The following RNPS1 variants were observed in gnomAD, a reference collection of about 807,000 sequenced individuals.
RNPS1 encodes the protein RNA-binding protein with serine-rich domain 1.
For missense variants in RNPS1, 300 were observed against 427.6 expected (o/e 0.70, Z 2.63); for synonymous variants, 147 against 150.0 (o/e 0.98, Z 0.15).
At chr16:2,256,808 G>A (rs1406074945) in intron 6 of RNPS1, 3 of 152,292 alleles carry the variant, frequency 2.0e-5, no homozygotes, top group Admixed American at 2.0e-4. Flanking sequence ...AGAGAAGTGG[G>A]AGAAGTTCTC....
intron 1 of RNPS1, 96 bp from the exon 2 acceptor site, chr16:2,264,856 G>C: frequency 9.8e-7 from 1 of 1,016,320 alleles, no homozygotes; most frequent in Non-Finnish European, 1.4e-6. Context: ...AAGGCAGCAA[G>C]GGAGCACGGT....
At position 2,268,068 on chromosome 16, in the gene RNPS1, C is replaced by T. The variant is rs1179432285; in HGVS notation, c.-131G>A. The T allele has an allele frequency of 1.4e-5, 21 of 1,535,146 alleles. No individual in the cohort carries two copies. Among genetic ancestry groups the T allele is most frequent in the Non-Finnish European group, 1.7e-5 (19 of 1,146,678 alleles). Reference sequence around the variant, plus strand: ...GCCCCAACTTACATCTTCCCGCCGCCGCCACCTCCTCCTGCTTTCCTCAGC... The same window carrying T: ...GCCCCAACTTACATCTTCCCGCCGCTGCCACCTCCTCCTGCTTTCCTCAGC... On this transcript the variant is annotated 5_prime_UTR_variant, in exon 1 of 8. Transcript: ENST00000320225.
intron 6 of RNPS1, among the ~76,000 whole-genome samples, chr16:2,260,915 G>A (rs1596807570): frequency 6.6e-6 from 1 of 152,180 alleles, no homozygotes; most frequent in African/African-American, 2.4e-5. Flanking sequence ...CGGATCACAA[G>A]GTCAGGAGAT....
At chr16:2,257,370 TA>T (rs1334872513) in intron 6 of RNPS1, 1 of 152,158 alleles carries the variant, frequency 6.6e-6, no homozygotes, top group Non-Finnish European at 1.5e-5. Context: ...TTAACTTCAG[TA>T]AACTCAGCCT....
rs2093609504 is a variant in RNPS1 at position 2,263,022 on chromosome 16, C to T, written c.419+74G>A. The T allele has an allele frequency of 1.7e-5, 25 of 1,486,580 alleles. No individual in the cohort carries two copies. The South Asian group carries it at 2.8e-4, about 17-fold the overall frequency. The allele number at this position is 1,486,580 out of a possible 1,614,324, so 92.1% of individuals were successfully genotyped here. On this transcript the variant is annotated intron_variant, in intron 4 of 7. Transcript: ENST00000320225. ...TAACACAGAAAGACTCCTTTTGGGT[C>T]CCTTTTATAACCTCGATGGTAAATC...
At chr16:2,267,605 G>A (rs1596818589) in intron 1 of RNPS1, 5 of 1,070,274 alleles carry the variant, frequency 4.7e-6, no homozygotes, top group Non-Finnish European at 4.5e-6. Flanking sequence ...GAAACTCCGC[G>A]CCCGCCGACA....
At chr16:2,254,899 G>A (rs1344896273) in intron 7 of RNPS1, among the ~76,000 whole-genome samples, 2 of 151,258 alleles carry the variant, frequency 1.3e-5, no homozygotes, top group African/African-American at 2.4e-5. Context: ...CCACCACCAC[G>A]CCCGGCTAAT....
intron 6 of RNPS1, among the ~76,000 whole-genome samples, chr16:2,259,691 C>T (rs936706515): frequency 1.3e-5 from 2 of 152,190 alleles, no homozygotes; most frequent in African/African-American, 4.8e-5. Context: ...AGATCCAGAC[C>T]ATCCTGGCTA....
Position 2,264,288 on chromosome 16 carries a change from A to T in RNPS1, c.115T>A (p.Ser39Thr). Residue 39 changes from serine to threonine, a missense_variant, in exon 3 of 8, where the codon TCC becomes ACC. Physicochemically the swap from Ser to Thr is moderately conservative, Grantham distance 58. Coordinates refer to ENST00000320225, the MANE Select transcript of RNPS1 (RefSeq NM_080594.4). ...TKRKDRSDEK[S>T]KDRSKDKGAT... Reference sequence around the variant, plus strand: ...CCTTTATCTTTTGAGCGATCCTTGGACTTCTCATCTGAGCGGTCTTTGCGT... The same window carrying T: ...CCTTTATCTTTTGAGCGATCCTTGGTCTTCTCATCTGAGCGGTCTTTGCGT... 1.9e-6 allele frequency: 3 copies of T among 1,613,982 alleles called. No homozygotes were observed. The highest frequency in any genetic ancestry group is 2.5e-6 in the Non-Finnish European group (3 of 1,180,000).
In RNPS1 at chr16:2,255,858, T is replaced by G; in HGVS notation, c.677-132A>C. On this transcript the variant is annotated intron_variant, in intron 6 of 7. Coordinates refer to ENST00000320225, the MANE Select transcript of RNPS1 (RefSeq NM_080594.4). ...ATCACAGAAACAGGGCCGGGCATGG[T>G]GGCTCACTCCTGTAATCCCAGCACT... The G allele has an allele frequency of 6.9e-6, 7 of 1,008,330 alleles. No homozygotes were observed. The South Asian group carries it at 1.0e-4, about 15-fold the overall frequency. 62.5% of individuals were successfully genotyped at this position (1,008,330 alleles called of 1,614,324 possible). A position where few individuals can be genotyped will look rare whatever the true frequency, so the allele number is the denominator to read the frequency against.
At chr16:2,255,813 G>A (rs1185066631) in intron 6 of RNPS1, 87 bp from the exon 7 acceptor site, 6 of 1,363,542 alleles carry the variant, frequency 4.4e-6, no homozygotes, top group African/African-American at 1.4e-5. Flanking sequence ...GGCCTGGGGG[G>A]ACAATGACAA....
intron 6 of RNPS1, chr16:2,255,991 G>A: frequency 2.4e-6 from 1 of 421,510 alleles, no homozygotes; most frequent in East Asian, 5.7e-5. Flanking sequence ...TGTGCGAGGT[G>A]GCGGGCGCCT....
chr16:2,263,322 A>C (rs768622061), intron 3 of RNPS1, 35 bp from the exon 4 acceptor site: 1 of 1,607,032 alleles, frequency 6.2e-7, no homozygotes, highest in Admixed American at 1.7e-5. Flanking sequence ...ACCACCACAC[A>C]CCAAGTCTCA....
rs751185828 is a variant in RNPS1 at position 2,264,304 on chromosome 16, G to C, written c.99C>G (p.Asp33Glu). The C allele has an allele frequency of 1.2e-6, 2 of 1,614,068 alleles. No homozygotes were observed. Among genetic ancestry groups the C allele is most frequent in the African/African-American group, 2.7e-5 (2 of 74,904 alleles). ...TRAPSPTKRK[D>E]RSDEKSKDRS... ...GATCCTTGGACTTCTCATCTGAGCG[G>C]TCTTTGCGTTTGGTAGGTGAAGGAG... Residue 33 changes from aspartate to glutamate, a missense_variant, in exon 3 of 8, where the codon GAC becomes GAG. Coordinates refer to ENST00000320225, the MANE Select transcript of RNPS1 (RefSeq NM_080594.4).
chr16:2,263,190 A>G lies in RNPS1; in HGVS notation c.325T>C (p.Ser109Pro), dbSNP rs776782746. The change falls in exon 4 of 8, where the codon TCC (serine) becomes CCC (proline). Residue 109 changes from serine (S) to proline (P), a missense_variant. Transcript: ENST00000320225. ...SSSASSRSGS[S>P]STSRSSSSSS... ...GAGCTGGAGCTGCGGGAGGTGCTGG[A>G]GCTTCCTGAGCGGCTGGATGCTGAG... The G allele has an allele frequency of 1.2e-6, 2 of 1,613,688 alleles. No homozygotes were observed. Among genetic ancestry groups the G allele is most frequent in the African/African-American group, 2.7e-5 (2 of 74,866 alleles).
At chr16:2,267,762 G>A (rs2093631112) in intron 1 of RNPS1, 2 of 1,334,634 alleles carry the variant, frequency 1.5e-6, no homozygotes, top group Non-Finnish European at 1.9e-6. Context: ...CAAGGGCGGA[G>A]GCCGCGCTCC....
chr16:2,256,067 G>A, intron 6 of RNPS1: 1 of 288,362 alleles, frequency 3.5e-6, no homozygotes, highest in South Asian at 3.3e-5. Flanking sequence ...AGAGGCTGCA[G>A]TAAGCAGAGA....
Position 2,263,086 on chromosome 16 carries a change from G to A in RNPS1, c.419+10C>T. On this transcript the variant is annotated intron_variant, in intron 4 of 7. Transcript: ENST00000320225. ...TTGTAAACTTTAGCTCCCAGGCGCA[G>A]GGCACTCACTTGGAGCGGGAGCGCC... 2 of 1,611,092 alleles carry A rather than the reference G, an allele frequency of 1.2e-6. No individual in the cohort carries two copies. Among genetic ancestry groups the A allele is most frequent in the Non-Finnish European group, 1.7e-6 (2 of 1,178,916 alleles).
At chr16:2,264,933 C>T (rs2093619190) in intron 1 of RNPS1, 173 bp from the exon 2 acceptor site, 3 of 373,942 alleles carry the variant, frequency 8.0e-6, no homozygotes, top group Middle Eastern at 7.8e-4. Flanking sequence ...GGAGGCGTCT[C>T]TACCCCGCAG....
Sources: gnomAD v4.1 joint callset for allele counts (sites outside exome capture counted in the v4.1 genomes callset) on GRCh38, gnomAD v4.1.1 for gene constraint, MANE v1.5 for transcripts, NCBI Gene and HGNC (gene_info 2026-07-23, HGNC 2026-07-21) for gene names.